The following MAP3K13 variants were observed in gnomAD, a reference collection of about 807,000 sequenced individuals.
The protein encoded by MAP3K13 is leucine zipper-bearing kinase.
A neutral mutation model predicts 104.0 loss-of-function variants in MAP3K13; 52 were observed. The ratio of observed to expected loss-of-function variants is 0.50; its 90% CI spans 0.40 to 0.63. The LOEUF (loss-of-function observed/expected upper bound fraction) is 0.63. Among genes scored for constraint, MAP3K13 ranks in the 20% least tolerant of loss-of-function variants. The pLI, the probability that MAP3K13 is intolerant of heterozygous loss-of-function variation, is 0.00. For missense variants in MAP3K13, 914 were observed against 1,218.5 expected (o/e 0.75, Z 3.72); for synonymous variants, 394 against 442.2 (o/e 0.89, Z 1.37).
chr3:185,452,892 A>G (rs1715972811), intron 7 of MAP3K13, among the ~76,000 whole-genome samples: 1 of 152,186 alleles, frequency 6.6e-6, no homozygotes, highest in Admixed American at 6.5e-5. Context: ...TATTCCTGCT[A>G]ATGTTCCATC....
chr3:185,285,731 T>C (rs977340065), intron 2 of MAP3K13: 26 of 1,133,536 alleles, frequency 2.3e-5, no homozygotes, highest in African/African-American at 9.2e-5. Flanking sequence ...AATTGAAAAG[T>C]ACAGTTCTTA....
intron 10 of MAP3K13, among the ~76,000 whole-genome samples, chr3:185,469,160 A>G (rs1717630220): frequency 6.6e-6 from 1 of 152,186 alleles, no homozygotes; most frequent in African/African-American, 2.4e-5. Context: ...CTTGAAGGAA[A>G]TTAGAGAGGA....
rs111284109 is a variant in MAP3K13, at chr3:185,302,347, A to G, written c.-86+16704A>G. On this transcript the variant is annotated intron_variant, in intron 2 of 14. Transcript: ENST00000424227. Reference sequence around the variant, plus strand: ...AGAATTGCTTGAATCTGGGGGGCAGAGGTTGCAGTGAGCTGAGATCCCACT... The same window carrying G: ...AGAATTGCTTGAATCTGGGGGGCAGGGGTTGCAGTGAGCTGAGATCCCACT... Among the ~76,000 whole-genome samples, 852 of 152,142 alleles carry G rather than the reference A, an allele frequency of 5.6e-3. 16 individuals carry two copies. The highest frequency in any genetic ancestry group is 0.019 in the African/African-American group (793 of 41,506).
chr3:185,415,674 C>T (rs1468745673), intron 1 of MAP3K13, among the ~76,000 whole-genome samples: 1 of 148,780 alleles, frequency 6.7e-6, no homozygotes, highest in Non-Finnish European at 1.5e-5. Flanking sequence ...ACCTTTGCCT[C>T]CCGGGCTCAA....
intron 2 of MAP3K13, among the ~76,000 whole-genome samples, chr3:185,300,193 T>C (rs1053091993): frequency 8.6e-5 from 13 of 150,712 alleles, no homozygotes; most frequent in African/African-American, 1.9e-4. Context: ...TCTTTTCTTT[T>C]TTTTTTTTTT....
intron 1 of MAP3K13, among the ~76,000 whole-genome samples, chr3:185,379,221 C>T (rs1157788260): frequency 6.6e-6 from 1 of 152,200 alleles, no homozygotes; most frequent in Non-Finnish European, 1.5e-5. Flanking sequence ...GGCGAATAAT[C>T]AGAGAGGCAT....
intron 1 of MAP3K13, among the ~76,000 whole-genome samples, chr3:185,404,932 T>C (rs1399011055): frequency 6.6e-6 from 1 of 152,188 alleles, no homozygotes; most frequent in Non-Finnish European, 1.5e-5. Context: ...TCTTAATAAT[T>C]CTTAAACAAG....
At chr3:185,393,565 T>TCTC (rs1457341482) in intron 1 of MAP3K13, among the ~76,000 whole-genome samples, 2 of 151,994 alleles carry the variant, frequency 1.3e-5, no homozygotes, top group African/African-American at 4.8e-5. Flanking sequence ...TTCACGCCAT[T>TCTC]CTCCTGCCTC....
In MAP3K13 at chr3:185,489,039, C is replaced by T. The variant is rs901751754; in HGVS notation, c.*6583C>T. On this transcript the variant is annotated 3_prime_UTR_variant, in exon 14 of 14. Coordinates refer to ENST00000265026, the MANE Select transcript of MAP3K13 (RefSeq NM_004721.5). ...TCTCTGTATTGAACGGCAATGGGAA[C>T]AAGAATGACTATCAAAGCAAACAAA... 1 of 152,146 alleles carries T rather than the reference C, an allele frequency of 6.6e-6. No homozygotes were observed. The highest frequency in any genetic ancestry group is 2.4e-5 in the African/African-American group (1 of 41,430). The allele number at this position is 152,146 out of a possible 1,614,324, so 9.4% of individuals were successfully genotyped here.
chr3:185,365,248 C>A (rs1485934862), intron 1 of MAP3K13, among the ~76,000 whole-genome samples: 4 of 152,194 alleles, frequency 2.6e-5, no homozygotes, highest in Admixed American at 2.6e-4. Context: ...GGGAAAAAAA[C>A]AATAACTCTT....
intron 2 of MAP3K13, among the ~76,000 whole-genome samples, chr3:185,314,372 T>G (rs1680888685): frequency 6.6e-6 from 1 of 152,188 alleles, no homozygotes; most frequent in Non-Finnish European, 1.5e-5. Flanking sequence ...TCCTAGCACT[T>G]TGGGAGGCCG....
intron 2 of MAP3K13, among the ~76,000 whole-genome samples, chr3:185,333,241 C>A (rs1722348553): frequency 6.6e-6 from 1 of 152,130 alleles, no homozygotes; most frequent in South Asian, 2.1e-4. Context: ...TCTAGATCTA[C>A]TAATAGCTGT....
At chr3:185,453,728 C>T (rs1319877238) in intron 7 of MAP3K13, among the ~76,000 whole-genome samples, 1 of 148,294 alleles carries the variant, frequency 6.7e-6, no homozygotes, top group East Asian at 2.0e-4. Context: ...GAGATCACGC[C>T]ACTGCACTCC....
chr3:185,478,032 T>A (rs1718229818), intron 12 of MAP3K13, among the ~76,000 whole-genome samples: 2 of 152,212 alleles, frequency 1.3e-5, no homozygotes, highest in South Asian at 4.1e-4. Flanking sequence ...ACAATTATAT[T>A]GGAGTTTAGA....
intron 2 of MAP3K13, among the ~76,000 whole-genome samples, chr3:185,327,965 G>C (rs1438366383): frequency 6.9e-6 from 1 of 144,416 alleles, no homozygotes; most frequent in African/African-American, 2.6e-5. Flanking sequence ...GAGGGAGGGA[G>C]GGAAGAAAGG....
chr3:185,451,992 A>G (rs1715920298), intron 7 of MAP3K13, among the ~76,000 whole-genome samples: 1 of 152,174 alleles, frequency 6.6e-6, no homozygotes, highest in African/African-American at 2.4e-5. Flanking sequence ...GAAAGCTGTA[A>G]TGTACATACA....
intron 2 of MAP3K13, among the ~76,000 whole-genome samples, chr3:185,429,976 G>A (rs1388000022): frequency 2.0e-5 from 3 of 152,170 alleles, no homozygotes; most frequent in African/African-American, 7.2e-5. Context: ...AAGGGGAGCG[G>A]ATCACCTGAG....
intron 2 of MAP3K13, among the ~76,000 whole-genome samples, chr3:185,347,111 T>G (rs531796743): frequency 2.1e-4 from 31 of 150,996 alleles, no homozygotes; most frequent in Non-Finnish European, 3.5e-4. Flanking sequence ...GTCAGCCTCC[T>G]GAGTAGCTGG....
chr3:185,335,380 A>G lies in MAP3K13; in HGVS notation c.-86+49737A>G, dbSNP rs551472732. On this transcript the variant is annotated intron_variant, in intron 2 of 14. Coordinates refer to the MAP3K13 transcript ENST00000424227. ...CCCTTCAACAACTCGAGTAAAGAAA[A>G]CCCTTCTGCCCAAAGAGCTGTGATT... Among the ~76,000 whole-genome samples the G allele has an allele frequency of 1.6e-4, 24 of 152,038 alleles. 1 individual carries two copies. In the South Asian group the frequency reaches 4.6e-3, roughly 29 times the overall value.
Sources: gnomAD v4.1 joint callset for allele counts (sites outside exome capture counted in the v4.1 genomes callset) on GRCh38, gnomAD v4.1.1 for gene constraint, MANE v1.5 for transcripts, NCBI Gene and HGNC (gene_info 2026-07-23, HGNC 2026-07-21) for gene names.